Variants in BAZ1A observed in about 807,000 individuals in gnomAD.
BAZ1A encodes the protein bromodomain adjacent to zinc finger domain 1A.
Under a neutral mutation model 185.2 loss-of-function variants are expected in BAZ1A, and 50 were observed. That is an observed-to-expected ratio of 0.27 (90% CI 0.22 to 0.34). BAZ1A has a LOEUF of 0.34. Ranked by LOEUF, BAZ1A falls within the 10% of genes least tolerant of loss-of-function variation. BAZ1A has a pLI of 1.00. For synonymous variants in BAZ1A, 571 were observed against 615.6 expected, an observed-to-expected ratio of 0.93 and a Z score of 1.07; for missense variants, 1,356 against 1,839.9, an observed-to-expected ratio of 0.74 and a Z score of 4.81.
intron 3 of BAZ1A, among the ~76,000 whole-genome samples, chr14:34,860,936 C>T (rs2042759349): frequency 6.6e-6 from 1 of 151,872 alleles, no homozygotes; most frequent in South Asian, 2.1e-4. Context: ...AAAAATCAAA[C>T]CCAAATAAAT....
chr14:34,858,781 G>A (rs551771605), intron 3 of BAZ1A, among the ~76,000 whole-genome samples: 1 of 151,964 alleles, frequency 6.6e-6, no homozygotes, highest in Non-Finnish European at 1.5e-5. Context: ...TAAAAGTTGG[G>A]GCAAGAAAAT....
At chr14:34,784,631 C>T (rs1290023828) in intron 14 of BAZ1A, among the ~76,000 whole-genome samples, 1 of 151,330 alleles carries the variant, frequency 6.6e-6, no homozygotes, top group Non-Finnish European at 1.5e-5. Context: ...CATTCTCCTG[C>T]CTCAGCCTCC....
chr14:34,826,708 CAG>C (rs2042170116), intron 3 of BAZ1A, among the ~76,000 whole-genome samples: 1 of 152,138 alleles, frequency 6.6e-6, no homozygotes, highest in Non-Finnish European at 1.5e-5. Flanking sequence ...TTGTTGTAGT[CAG>C]AGAATATACT....
At chr14:34,799,278 A>G (rs1881375114) in intron 9 of BAZ1A, among the ~76,000 whole-genome samples, 1 of 151,346 alleles carries the variant, frequency 6.6e-6, no homozygotes, top group Non-Finnish European at 1.5e-5. Context: ...AGAAATACCT[A>G]ATGTAAATGA....
Position 34,774,364 on chromosome 14 carries a change from T to A in BAZ1A, c.2960A>T (p.Glu987Val). Residue 987 changes from glutamate to valine, a missense_variant, in exon 19 of 27, where the codon GAA becomes GTA. Glu to Val is a moderately radical substitution (Grantham distance 121). Around this residue, in one of 7 missense-constraint regions of BAZ1A, gnomAD observed 434 missense variants for 561.7 expected, o/e 0.77. Coordinates refer to ENST00000360310, the MANE Select transcript of BAZ1A (RefSeq NM_013448.3). The part of the protein sequence containing the change: ...LRLRDFLLDI[E>V]DRIYQGTLGA... ...TAATGTTCCTTGGTAGATTCTATCT[T>A]CAATATCTAAAAGAAAATCTCTCAG... 1 of 1,613,544 alleles carries A rather than the reference T, an allele frequency of 6.2e-7. No homozygotes were observed. Among genetic ancestry groups the A allele is most frequent in the Non-Finnish European group, 8.5e-7 (1 of 1,179,846 alleles).
chr14:34,813,845 C>T (rs2041965838), intron 4 of BAZ1A, among the ~76,000 whole-genome samples: 1 of 152,082 alleles, frequency 6.6e-6, no homozygotes, highest in African/African-American at 2.4e-5. Context: ...TAGTTTGCGA[C>T]TAGCCTGGCC....
chr14:34,827,758 A>G (rs2042184953), intron 3 of BAZ1A, among the ~76,000 whole-genome samples: 1 of 151,464 alleles, frequency 6.6e-6, no homozygotes, highest in Non-Finnish European at 1.5e-5. Context: ...AAAGAAAGTC[A>G]TATATTGGCA....
At chr14:34,828,316 T>TC (rs934216992) in intron 3 of BAZ1A, among the ~76,000 whole-genome samples, 1 of 99,660 alleles carries the variant, frequency 1.0e-5, no homozygotes, top group African/African-American at 3.6e-5. Flanking sequence ...AAAAAAAAAA[T>TC]ACTCCTTAAT....
chr14:34,771,303 A>C (rs960115687), intron 21 of BAZ1A: 22 of 514,348 alleles, frequency 4.3e-5, no homozygotes, highest in Non-Finnish European at 7.3e-5. Context: ...CTAGCTGGTA[A>C]TCTTTCTTTT....
chr14:34,783,278 C>T (rs1880168951), intron 15 of BAZ1A, 46 bp from the exon 16 acceptor site: 3 of 1,133,544 alleles, frequency 2.6e-6, no homozygotes, highest in Non-Finnish European at 3.9e-6. Flanking sequence ...TGCACATATA[C>T]ATTTCACTTT....
At chr14:34,824,890 A>C (rs1441802942) in intron 4 of BAZ1A, among the ~76,000 whole-genome samples, 1 of 152,214 alleles carries the variant, frequency 6.6e-6, no homozygotes, top group Non-Finnish European at 1.5e-5. Flanking sequence ...AGATGCCCAA[A>C]AGGGACCAGA....
At chr14:34,763,306 A>C (rs1215253767) in intron 23 of BAZ1A, among the ~76,000 whole-genome samples, 1 of 151,876 alleles carries the variant, frequency 6.6e-6, no homozygotes, top group East Asian at 1.9e-4. Context: ...TTTAAAACAG[A>C]TGGGGTGGCT....
chr14:34,790,502 C>T (rs1364327731), intron 12 of BAZ1A, among the ~76,000 whole-genome samples: 1 of 151,848 alleles, frequency 6.6e-6, no homozygotes, highest in South Asian at 2.1e-4. Context: ...TACAGGCATG[C>T]GCCACCATGC....
rs139966723 is a variant in BAZ1A at position 34,813,914 on chromosome 14, G to A, written c.537-2878C>T. Among the ~76,000 whole-genome samples, 33 of 151,876 alleles carry A rather than the reference G, an allele frequency of 2.2e-4. No individual in the cohort carries two copies. In the East Asian group the frequency reaches 2.3e-3, roughly 11 times the overall value. On this transcript the variant is annotated intron_variant, in intron 4 of 26. Transcript: ENST00000360310. ...AAAAATTAGCCGGCCTTGGTGGCCT[G>A]CGCCTGTAGCCCCAGCTACTTAGGA...
At chr14:34,764,024 C>G (rs1566546760) in intron 23 of BAZ1A, among the ~76,000 whole-genome samples, 1 of 152,066 alleles carries the variant, frequency 6.6e-6, no homozygotes, top group Admixed American at 6.6e-5. Flanking sequence ...CCAGTGCTGC[C>G]ACAGAAGGAA....
chr14:34,767,046 T>A (rs1157315736), intron 21 of BAZ1A, among the ~76,000 whole-genome samples: 1 of 152,226 alleles, frequency 6.6e-6, no homozygotes, highest in Non-Finnish European at 1.5e-5. Flanking sequence ...GTCAAATGGC[T>A]CTTCAAAGCT....
chr14:34,766,075 C>T (rs1413000224), intron 21 of BAZ1A, among the ~76,000 whole-genome samples: 1 of 152,160 alleles, frequency 6.6e-6, no homozygotes, highest in Non-Finnish European at 1.5e-5. Context: ...TGGAGACAGT[C>T]TGCTCTGAGG....
chr14:34,804,178 T>C (rs928883749), intron 6 of BAZ1A, among the ~76,000 whole-genome samples: 1 of 152,176 alleles, frequency 6.6e-6, no homozygotes, highest in Non-Finnish European at 1.5e-5. Context: ...TGGCTAATTT[T>C]TGTATTTTTA....
chr14:34,790,590 G>C (rs1407671465), intron 12 of BAZ1A, among the ~76,000 whole-genome samples: 1 of 152,000 alleles, frequency 6.6e-6, no homozygotes, highest in Admixed American at 6.6e-5. Context: ...CTGACCTTAA[G>C]TGATCTGCCC....
Sources: allele counts gnomAD v4.1 joint callset (sites outside exome capture counted in the v4.1 genomes callset), GRCh38; gene constraint gnomAD v4.1.1; regional missense constraint gnomAD v4.1.1; transcripts MANE v1.5; gene names NCBI Gene and HGNC (gene_info 2026-07-23, HGNC 2026-07-21).